Variants in ATRN observed in about 807,000 individuals in gnomAD.
The protein encoded by ATRN is attractin-2.
In ATRN, 54 loss-of-function variants were observed where a neutral mutation model predicts 178.7. That is an observed-to-expected ratio of 0.30 (90% CI 0.24 to 0.38). The LOEUF is 0.38. ATRN is among the 10% of genes least tolerant of loss of function. ATRN has a pLI of 1.00. For synonymous variants in ATRN, 636 were observed against 663.0 expected, an observed-to-expected ratio of 0.96 and a Z score of 0.63; for missense variants, 1,443 against 1,815.1, an observed-to-expected ratio of 0.79 and a Z score of 3.73.
chr20:3,577,123 A>C, intron 14 of ATRN, 126 bp downstream of exon 14: 1 of 1,200,814 alleles, frequency 8.3e-7, no homozygotes, highest in Non-Finnish European at 1.1e-6. Context: ...CATCCCCCAC[A>C]CGAGTATTAT....
chr20:3,569,421 C>G (rs2086084625), intron 11 of ATRN, among the ~76,000 whole-genome samples: 1 of 152,046 alleles, frequency 6.6e-6, no homozygotes, highest in Non-Finnish European at 1.5e-5. Flanking sequence ...AGAGAAGGTA[C>G]AGTAAAAATG....
intron 21 of ATRN, among the ~76,000 whole-genome samples, chr20:3,597,217 A>G (rs1238104143): frequency 6.6e-6 from 1 of 151,982 alleles, no homozygotes; most frequent in Non-Finnish European, 1.5e-5. Context: ...GGAAAAAACC[A>G]TCCAAAACAT....
At chr20:3,552,797 G>A (rs1044796371) in intron 6 of ATRN, among the ~76,000 whole-genome samples, 6 of 152,106 alleles carry the variant, frequency 3.9e-5, no homozygotes, top group African/African-American at 1.4e-4. Context: ...CTTAATTTAC[G>A]GAGGCTGCCT....
chr20:3,643,688 G>A (rs1275240210), intron 27 of ATRN, among the ~76,000 whole-genome samples: 1 of 152,222 alleles, frequency 6.6e-6, no homozygotes, highest in African/African-American at 2.4e-5. Flanking sequence ...CAGCAGGCTT[G>A]TCTACTTAGT....
intron 17 of ATRN, 111 bp from the exon 18 acceptor site, chr20:3,584,536 C>T: frequency 1.3e-6 from 1 of 767,274 alleles, no homozygotes; most frequent in Non-Finnish European, 2.1e-6. Flanking sequence ...ATAATCAAGA[C>T]AGAATAATAT....
At chr20:3,492,678 C>A (rs1011276400) in intron 1 of ATRN, among the ~76,000 whole-genome samples, 9 of 151,806 alleles carry the variant, frequency 5.9e-5, no homozygotes, top group African/African-American at 2.2e-4. Flanking sequence ...AAACTCATAC[C>A]AACGTTTTGC....
intron 1 of ATRN, among the ~76,000 whole-genome samples, chr20:3,531,031 T>C (rs1411642363): frequency 6.6e-6 from 1 of 152,198 alleles, no homozygotes; most frequent in Non-Finnish European, 1.5e-5. Flanking sequence ...TTTGTGTGAC[T>C]GCCAGTGAAC....
At position 3,471,389 on chromosome 20, in the gene ATRN, C is replaced by T; in HGVS notation, c.282C>T (p.Ala94=). 1.3e-6 allele frequency: 2 copies of T among 1,487,768 alleles called. No homozygotes were observed. The highest frequency in any genetic ancestry group is 2.9e-5 in the East Asian group (1 of 34,956). The allele number at this position is 1,487,768 out of a possible 1,614,324, so 92.2% of individuals were successfully genotyped here. A position where few individuals can be genotyped will look rare whatever the true frequency, so the allele number is the denominator to read the frequency against. ...AAAAAAVSGS[A]AAEAKECDRP... ...CGGCGGCGGCGGTGTCGGGCTCAGC[C>T]GCAGCCGAGGCCAAGGAATGTGACC... Residue 94 remains alanine, a synonymous_variant, in exon 1 of 29, where the codon GCC becomes GCT. Coordinates refer to ENST00000262919, the MANE Select transcript of ATRN (RefSeq NM_139321.3).
At chr20:3,581,989 C>T (rs867172770) in intron 15 of ATRN, 146 bp from the exon 16 acceptor site, 8 of 694,296 alleles carry the variant, frequency 1.2e-5, no homozygotes, top group South Asian at 1.1e-4. Context: ...CCTATAATCT[C>T]AACATTTTGG....
intron 24 of ATRN, among the ~76,000 whole-genome samples, chr20:3,613,526 C>T (rs574732743): frequency 4.6e-5 from 7 of 152,298 alleles, no homozygotes; most frequent in Admixed American, 4.6e-4. Flanking sequence ...TAAATACACA[C>T]ATTTAGCAAC....
At chr20:3,576,561 G>A (rs1009434885) in intron 13 of ATRN, among the ~76,000 whole-genome samples, 1 of 152,096 alleles carries the variant, frequency 6.6e-6, no homozygotes, top group East Asian at 1.9e-4. Context: ...CAGATGAGCA[G>A]GTTGAGGCAT....
intron 1 of ATRN, among the ~76,000 whole-genome samples, chr20:3,510,596 C>T (rs965341186): frequency 2.6e-5 from 4 of 151,990 alleles, no homozygotes; most frequent in Non-Finnish European, 1.5e-5. Flanking sequence ...CCTTATTTTG[C>T]GTTTGTTTTG....
At chr20:3,571,943 T>C (rs1361118582) in intron 11 of ATRN, among the ~76,000 whole-genome samples, 2 of 152,182 alleles carry the variant, frequency 1.3e-5, no homozygotes, top group Non-Finnish European at 1.5e-5. Flanking sequence ...CTTGTGTGTT[T>C]TGTTTTTCTC....
intron 24 of ATRN, among the ~76,000 whole-genome samples, chr20:3,606,121 T>C (rs923335547): frequency 1.3e-5 from 2 of 152,212 alleles, no homozygotes; most frequent in Non-Finnish European, 2.9e-5. Flanking sequence ...ATACTCCCTG[T>C]GTCCCTCCTC....
In ATRN at chr20:3,632,860, A is replaced by G. The variant is rs1391801724; in HGVS notation, c.3864-1451A>G. Among the ~76,000 whole-genome samples the G allele has an allele frequency of 2.0e-5, 3 of 152,226 alleles. No homozygotes were observed. The highest frequency in any genetic ancestry group is 7.2e-5 in the African/African-American group (3 of 41,466). On this transcript the variant is annotated intron_variant, in intron 25 of 28. Coordinates refer to ENST00000262919, the MANE Select transcript of ATRN (RefSeq NM_139321.3). The surrounding 1 kb of genome is among the most constrained non-coding windows in gnomAD (Gnocchi z 4.2). Reference sequence around the variant, plus strand: ...AATTAAAGTATTGATTAAAAAGACAATGTAGGCCAGTCACGTGAGGCCTGT... The same window carrying G: ...AATTAAAGTATTGATTAAAAAGACAGTGTAGGCCAGTCACGTGAGGCCTGT...
chr20:3,506,721 T>C (rs565153730), intron 1 of ATRN, among the ~76,000 whole-genome samples: 176 of 151,262 alleles, frequency 1.2e-3, no homozygotes, highest in African/African-American at 3.9e-3. Flanking sequence ...CACACACACA[T>C]ACACAAGTCA....
At chr20:3,489,310 G>A (rs1304214149) in intron 1 of ATRN, among the ~76,000 whole-genome samples, 3 of 151,948 alleles carry the variant, frequency 2.0e-5, no homozygotes, top group Non-Finnish European at 4.4e-5. Context: ...TTTGAACAAG[G>A]TCTGGTTTTA....
chr20:3,524,555 C>G (rs1043733146), intron 1 of ATRN, among the ~76,000 whole-genome samples: 1 of 152,130 alleles, frequency 6.6e-6, no homozygotes, highest in African/African-American at 2.4e-5. Flanking sequence ...CAGCTCTGGA[C>G]CAACAGGACC....
At chr20:3,493,323 A>T (rs1172476136) in intron 1 of ATRN, among the ~76,000 whole-genome samples, 1 of 139,800 alleles carries the variant, frequency 7.2e-6, no homozygotes, top group Non-Finnish European at 1.6e-5. Flanking sequence ...ACCTGGCTAA[A>T]TTTTTTTTTT....
Sources: gnomAD v4.1 joint callset for allele counts (sites outside exome capture counted in the v4.1 genomes callset) on GRCh38, gnomAD v4.1.1 for gene constraint, Gnocchi (gnomAD v3.1) non-coding constraint, MANE v1.5 for transcripts, NCBI Gene and HGNC (gene_info 2026-07-23, HGNC 2026-07-21) for gene names.